LMF1: variants seen among roughly 807,000 people sequenced by gnomAD.
LMF1 encodes lipase maturation factor 1, also known as transmembrane protein 112.
LMF1 carries 68 observed loss-of-function variants against 60.6 expected under a neutral mutation model. That is an observed-to-expected ratio of 1.12 (90% CI 0.92 to 1.37). The LOEUF (loss-of-function observed/expected upper bound fraction) is 1.37, where lower values mean the gene tolerates loss of function less well. Ranked by LOEUF, LMF1 falls within the 40% of genes most tolerant of loss-of-function variation. LMF1 has a pLI of 0.00. For synonymous variants in LMF1, 418 were observed against 324.7 expected, an observed-to-expected ratio of 1.29 and a Z score of -3.09; for missense variants, 948 against 767.2, an observed-to-expected ratio of 1.24 and a Z score of -2.78.
chr16:926,267 T>C (rs535764595), intron 3 of LMF1, among the ~76,000 whole-genome samples: 1 of 152,190 alleles, frequency 6.6e-6, no homozygotes, highest in South Asian at 2.1e-4. Context: ...TGTGCATGCA[T>C]GCACCTGTTT....
rs978395162 is a variant in LMF1, at chr16:951,744, G to A, written c.503+2613C>T. On this transcript the variant is annotated intron_variant, in intron 2 of 10. Coordinates refer to ENST00000262301, the MANE Select transcript of LMF1 (RefSeq NM_022773.4). ...ATGACTCCTGCAGACCCCCAGAGGC[G>A]GCGGAACCTCACACCTCCAGTGAAG... Among the ~76,000 whole-genome samples the A allele has an allele frequency of 9.8e-5, 15 of 152,342 alleles. No homozygotes were observed. The South Asian group carries it at 2.3e-3, about 23-fold the overall frequency.
At chr16:919,542 G>A (rs979928703) in intron 3 of LMF1, among the ~76,000 whole-genome samples, 2 of 152,234 alleles carry the variant, frequency 1.3e-5, no homozygotes, top group Non-Finnish European at 2.9e-5. Flanking sequence ...AGGCCGCTGG[G>A]GGCATTCCAC....
chr16:861,867 T>C (rs751218704), intron 10 of LMF1, among the ~76,000 whole-genome samples: 2 of 152,238 alleles, frequency 1.3e-5, no homozygotes, highest in Non-Finnish European at 2.9e-5. Context: ...CGGATCTGAA[T>C]GGTGAAGGGT....
intron 3 of LMF1, among the ~76,000 whole-genome samples, chr16:926,361 C>T (rs12599769): frequency 0.012 from 1,861 of 152,048 alleles, 23 homozygotes; most frequent in South Asian, 0.097. Flanking sequence ...TGTGCACGTG[C>T]TTGCATATGA....
chr16:979,828 C>G (rs973622297), intron 1 of LMF1: 3 of 448,188 alleles, frequency 6.7e-6, no homozygotes, highest in South Asian at 4.7e-5. Flanking sequence ...ACTGCTTCCA[C>G]TTAAACCCCC....
At position 970,908 on chromosome 16, in the gene LMF1, G is replaced by C. The variant is rs1197530532; in HGVS notation, c.73C>G (p.Pro25Ala). ...GGCGCGGGCGGCGACTCAGGCTCCGGATCCGAGTACCCAGTCTTCCGCCTC... is the reference window on the plus strand; with the variant it reads ...GGCGCGGGCGGCGACTCAGGCTCCGCATCCGAGTACCCAGTCTTCCGCCTC... ...LRRRKTGYSD[P>A]EPESPPAPGR... The change falls in exon 1 of 11, where the codon CCG (proline) becomes GCG (alanine). Residue 25 changes from proline (P) to alanine (A), a missense_variant. By Grantham distance (27) the Pro-to-Ala change is conservative. Transcript: ENST00000262301. 1 of 1,582,462 alleles carries C rather than the reference G, an allele frequency of 6.3e-7. No homozygotes were observed. The highest frequency in any genetic ancestry group is 8.6e-7 in the Non-Finnish European group (1 of 1,165,888).
chr16:907,407 A>G (rs1331565267), intron 4 of LMF1, among the ~76,000 whole-genome samples: 1 of 146,088 alleles, frequency 6.8e-6, no homozygotes, highest in Non-Finnish European at 1.5e-5. Flanking sequence ...TCTCAAAAAG[A>G]AAAAAAAAAA....
At chr16:927,522 C>T (rs914465328) in intron 3 of LMF1, among the ~76,000 whole-genome samples, 1 of 152,252 alleles carries the variant, frequency 6.6e-6, no homozygotes, top group Non-Finnish European at 1.5e-5. Context: ...ACGGCAGAGG[C>T]CGTGGAGGCT....
intron 1 of LMF1, 81 bp downstream of exon 1, chr16:970,707 C>T: frequency 1.5e-6 from 2 of 1,315,448 alleles, no homozygotes; most frequent in South Asian, 1.4e-5. Flanking sequence ...CGAGACCGCG[C>T]GGAGGAGTCT....
chr16:860,294 ACT>A (rs2069420936), intron 10 of LMF1, among the ~76,000 whole-genome samples: 1 of 150,496 alleles, frequency 6.6e-6, no homozygotes, highest in Admixed American at 6.6e-5. Flanking sequence ...AAGTATAATG[ACT>A]CTGCCTGGCC....
chr16:924,741 A>T (rs760601037), intron 3 of LMF1, among the ~76,000 whole-genome samples: 22 of 152,358 alleles, frequency 1.4e-4, no homozygotes, highest in Non-Finnish European at 2.5e-4. Flanking sequence ...GAAATGATAA[A>T]CCACTTTCTC....
At chr16:868,902 T>G in intron 10 of LMF1, 42 bp downstream of exon 10, 12 of 1,286,724 alleles carry the variant, frequency 9.3e-6, no homozygotes, top group Non-Finnish European at 1.1e-5. Flanking sequence ...GACACCTGGA[T>G]TTGGGGGAGA....
chr16:926,126 C>G (rs2151774093), intron 3 of LMF1, among the ~76,000 whole-genome samples: 1 of 151,352 alleles, frequency 6.6e-6, no homozygotes, highest in African/African-American at 2.4e-5. Flanking sequence ...CTGAATATGT[C>G]TGTGTGTGCA....
At position 867,579 on chromosome 16, in the gene LMF1, C is replaced by T. The variant is rs537473053; in HGVS notation, c.1529+1365G>A. 3.3e-5 allele frequency among the ~76,000 whole-genome samples: 5 copies of T among 152,314 alleles called. 1 individual carries two copies. Among genetic ancestry groups the T allele is most frequent in the South Asian group, 4.1e-4 (2 of 4,830 alleles). ...AGGGGAACGGCCGCCTGTCCGGGCT[C>T]CAAGGTCTCAGGCTCCCAGGGCTGC... On this transcript the variant is annotated intron_variant, in intron 10 of 10. Transcript: ENST00000262301.
At chr16:957,366 A>G (rs4984619) in intron 1 of LMF1, among the ~76,000 whole-genome samples, 74,483 of 151,776 alleles carry the variant, frequency 0.49, 20,318 homozygotes, top group African/African-American at 0.74. Context: ...ACTTTTCCCC[A>G]TGCATTTATA....
In LMF1 at chr16:874,435, G is replaced by A. The variant is rs1257922518; in HGVS notation, c.898-3094C>T. Among the ~76,000 whole-genome samples, 1 of 152,154 alleles carries A rather than the reference G, an allele frequency of 6.6e-6. No homozygotes were observed. The highest frequency in any genetic ancestry group is 1.5e-5 in the Non-Finnish European group (1 of 68,012). ...CCTGAGCTCACCCCCTGCCCCTCCC[G>A]CCCTGGCAGTCCGGGGCTGCGTCTC... is the stretch of plus-strand genomic sequence containing the variant. On this transcript the variant is annotated intron_variant, in intron 6 of 10. Transcript: ENST00000262301. The surrounding 1 kb of genome is among the most constrained non-coding windows in gnomAD (Gnocchi z 4.1).
intron 4 of LMF1, chr16:901,814 C>G (rs1385738390): frequency 6.6e-6 from 1 of 152,326 alleles, no homozygotes; most frequent in South Asian, 2.1e-4. Context: ...GCGCCGCCTG[C>G]CCCGCCTGTG....
At chr16:891,651 C>T (rs557439098) in intron 5 of LMF1, among the ~76,000 whole-genome samples, 3 of 152,242 alleles carry the variant, frequency 2.0e-5, no homozygotes, top group South Asian at 2.1e-4. Flanking sequence ...TTTCCTGACC[C>T]GTCCTGAGGG....
chr16:889,082 C>G (rs1407845367), intron 5 of LMF1, among the ~76,000 whole-genome samples: 2 of 152,194 alleles, frequency 1.3e-5, no homozygotes, highest in Non-Finnish European at 2.9e-5. Context: ...CTGCACTCAC[C>G]CTGGGTAGAG....
Sources: allele counts gnomAD v4.1 joint callset (sites outside exome capture counted in the v4.1 genomes callset), GRCh38; gene constraint gnomAD v4.1.1; non-coding constraint Gnocchi (gnomAD v3.1); transcripts MANE v1.5; gene names NCBI Gene and HGNC (gene_info 2026-07-23, HGNC 2026-07-21).